The following ARHGAP24 variants were observed in gnomAD, a reference collection of about 807,000 sequenced individuals.
ARHGAP24 encodes rho GTPase-activating protein 24.
ARHGAP24 carries 50 observed loss-of-function variants against 76.4 expected under a neutral mutation model. The ratio of observed to expected loss-of-function variants is 0.65; its 90% CI spans 0.52 to 0.83. The LOEUF (loss-of-function observed/expected upper bound fraction) is 0.83. Among genes scored for constraint, ARHGAP24 ranks in the 40% least tolerant of loss-of-function variants. The pLI, the probability that ARHGAP24 is intolerant of heterozygous loss-of-function variation, is 0.00. For missense variants in ARHGAP24, 930 were observed against 914.2 expected, an observed-to-expected ratio of 1.02 and a Z score of -0.22; for synonymous variants, 345 against 323.3, an observed-to-expected ratio of 1.07 and a Z score of -0.72.
rs1342354389 is a variant in ARHGAP24, at chr4:85,755,636, G to GTT, written c.268+33667_268+33668dup. 6.1e-3 allele frequency among the ~76,000 whole-genome samples: 696 copies of GTT among 114,294 alleles called. 96 individuals are homozygous for GTT. Among genetic ancestry groups the GTT allele is most frequent in the Middle Eastern group, 0.011 (2 of 174 alleles). The allele number at this position is 114,294 out of a possible 152,430, so 75.0% of individuals were successfully genotyped here. On this transcript the variant is annotated intron_variant, in intron 3 of 9. Transcript: ENST00000395184. ...AGCTTCTATTCTTTTGTTTTGTTTT[G>GTT]TTTTGTTTTGTTTTGAGACGGAGTC...
chr4:85,793,471 T>C (rs1004389737), intron 3 of ARHGAP24, among the ~76,000 whole-genome samples: 1 of 152,118 alleles, frequency 6.6e-6, no homozygotes, highest in African/African-American at 2.4e-5. Flanking sequence ...ACAGGGCAAG[T>C]AGAAATTTCA....
chr4:85,492,056 C>T (rs1723378619), intron 1 of ARHGAP24, among the ~76,000 whole-genome samples: 1 of 151,656 alleles, frequency 6.6e-6, no homozygotes, highest in Non-Finnish European at 1.5e-5. Context: ...TCGCCATTCC[C>T]TCTTCCTCCC....
At chr4:85,679,970 G>T (rs1440364087) in intron 2 of ARHGAP24, among the ~76,000 whole-genome samples, 2 of 152,162 alleles carry the variant, frequency 1.3e-5, no homozygotes, top group Non-Finnish European at 2.9e-5. Context: ...TAGTCTGAAG[G>T]TTTTAAAGAT....
At chr4:85,912,926 C>T (rs906741867) in intron 3 of ARHGAP24, among the ~76,000 whole-genome samples, 21 of 151,764 alleles carry the variant, frequency 1.4e-4, no homozygotes, top group South Asian at 6.3e-4. Flanking sequence ...GGGGTGAAAG[C>T]GATTATATGG....
At chr4:85,973,684 T>A (rs1294280106) in intron 6 of ARHGAP24, among the ~76,000 whole-genome samples, 2 of 152,200 alleles carry the variant, frequency 1.3e-5, no homozygotes, top group Non-Finnish European at 2.9e-5. Context: ...TGATTCACTT[T>A]GAGTTCATTT....
At chr4:85,525,335 C>A (rs1396677466) in intron 1 of ARHGAP24, among the ~76,000 whole-genome samples, 1 of 145,798 alleles carries the variant, frequency 6.9e-6, no homozygotes, top group Admixed American at 6.9e-5. Context: ...CCTTTTCTAG[C>A]TCAACTTTTA....
chr4:85,905,007 G>A (rs1054755242), intron 3 of ARHGAP24, among the ~76,000 whole-genome samples: 1 of 152,040 alleles, frequency 6.6e-6, no homozygotes, highest in African/African-American at 2.4e-5. Context: ...TAGTGCTTAG[G>A]GGACAGAAGA....
intron 2 of ARHGAP24, among the ~76,000 whole-genome samples, chr4:85,721,379 G>A (rs532241435): frequency 7.2e-6 from 1 of 139,268 alleles, no homozygotes; most frequent in East Asian, 2.1e-4. Flanking sequence ...TGGGTGACAA[G>A]AGCAAAACTC....
intron 2 of ARHGAP24, among the ~76,000 whole-genome samples, chr4:85,628,672 A>C (rs1014292172): frequency 1.3e-5 from 2 of 152,182 alleles, no homozygotes; most frequent in South Asian, 2.1e-4. Flanking sequence ...TTATTTATTT[A>C]GGTGCTCTGA....
At chr4:85,862,802 G>T (rs191130424) in intron 3 of ARHGAP24, among the ~76,000 whole-genome samples, 2 of 151,958 alleles carry the variant, frequency 1.3e-5, no homozygotes, top group Non-Finnish European at 2.9e-5. Context: ...TATTTCTCAC[G>T]TTTAGTTCAT....
At chr4:85,950,512 A>G (rs185254748) in intron 5 of ARHGAP24, among the ~76,000 whole-genome samples, 3 of 152,168 alleles carry the variant, frequency 2.0e-5, no homozygotes, top group Admixed American at 2.0e-4. Flanking sequence ...AAAAATAAAA[A>G]ATTAAAATTA....
chr4:85,677,325 T>A lies in ARHGAP24; in HGVS notation c.181-44560T>A, dbSNP rs1170062748. On this transcript the variant is annotated intron_variant, in intron 2 of 9. Coordinates refer to ENST00000395184, the MANE Select transcript of ARHGAP24 (RefSeq NM_001025616.3). ...GGCAACCCACATTTTATATGCACAT[T>A]CAGGGGTGGGAAGGATTCAAGTTTG... 2.0e-5 allele frequency among the ~76,000 whole-genome samples: 3 copies of A among 152,218 alleles called. No homozygotes were observed. In the East Asian group the frequency reaches 5.8e-4, roughly 29 times the overall value.
chr4:85,553,562 G>C (rs182118432), intron 1 of ARHGAP24, among the ~76,000 whole-genome samples: 2 of 152,158 alleles, frequency 1.3e-5, no homozygotes, highest in African/African-American at 4.8e-5. Context: ...TACCGGATTA[G>C]CTAGACACAG....
At chr4:85,699,479 G>T (rs1046973023) in intron 2 of ARHGAP24, among the ~76,000 whole-genome samples, 3 of 152,250 alleles carry the variant, frequency 2.0e-5, no homozygotes, top group South Asian at 4.1e-4. Context: ...GTGCCTGCCT[G>T]TAGTCCCAGC....
intron 1 of ARHGAP24, among the ~76,000 whole-genome samples, chr4:85,481,730 G>A (rs770673404): frequency 6.6e-6 from 1 of 152,174 alleles, no homozygotes; most frequent in Non-Finnish European, 1.5e-5. Context: ...AGCAACAGGT[G>A]GAGGCAAAGA....
intron 2 of ARHGAP24, among the ~76,000 whole-genome samples, chr4:85,638,833 G>A (rs1426054016): frequency 6.6e-6 from 1 of 152,142 alleles, no homozygotes; most frequent in African/African-American, 2.4e-5. Context: ...TTAAGGAGAT[G>A]CTAGTGAGCA....
At chr4:85,793,028 G>A (rs1728196841) in intron 3 of ARHGAP24, among the ~76,000 whole-genome samples, 1 of 152,152 alleles carries the variant, frequency 6.6e-6, no homozygotes, top group African/African-American at 2.4e-5. Flanking sequence ...AGAGTTGACA[G>A]ATATAAGAGA....
intron 4 of ARHGAP24, among the ~76,000 whole-genome samples, chr4:85,937,234 A>G (rs995433842): frequency 1.3e-5 from 2 of 152,198 alleles, no homozygotes; most frequent in East Asian, 1.9e-4. Context: ...TGGTGATTAC[A>G]TGAATAGCTT....
chr4:85,602,484 A>G (rs976883250), intron 2 of ARHGAP24, among the ~76,000 whole-genome samples: 1 of 152,214 alleles, frequency 6.6e-6, no homozygotes, highest in African/African-American at 2.4e-5. Context: ...AGCTGTAGAC[A>G]TATCATTGGT....
Sources: gnomAD v4.1 joint callset for allele counts (sites outside exome capture counted in the v4.1 genomes callset) on GRCh38, gnomAD v4.1.1 for gene constraint, MANE v1.5 for transcripts, NCBI Gene and HGNC (gene_info 2026-07-23, HGNC 2026-07-21) for gene names.